DNAH11: variants seen among roughly 807,000 people sequenced by gnomAD.
DNAH11 encodes dynein axonemal heavy chain 11.
DNAH11 carries 442 observed loss-of-function variants against 526.0 expected under a neutral mutation model. That is an observed-to-expected ratio of 0.84 (90% CI 0.78 to 0.91). DNAH11 has a LOEUF of 0.91. Ranked by LOEUF, DNAH11 falls within the 40% of genes least tolerant of loss-of-function variation. The pLI, the probability that DNAH11 is intolerant of heterozygous loss-of-function variation, is 0.00. For missense variants in DNAH11, 6,989 were observed against 5,448.7 expected (o/e 1.28, Z -8.90); for synonymous variants, 2,461 against 1,935.9 (o/e 1.27, Z -7.12).
intron 68 of DNAH11, among the ~76,000 whole-genome samples, chr7:21,855,049 T>TTTG (rs776597716): frequency 2.2e-5 from 2 of 91,390 alleles, no homozygotes; most frequent in African/African-American, 6.9e-5. Context: ...TTTTTTTTTT[T>TTTG]GGGATGGAGT....
intron 18 of DNAH11, among the ~76,000 whole-genome samples, chr7:21,602,149 G>T (rs1180442861): frequency 6.6e-6 from 1 of 151,806 alleles, no homozygotes; most frequent in Non-Finnish European, 1.5e-5. Context: ...AGACCAGCCT[G>T]GCCAACATGC....
chr7:21,559,817 T>A, intron 4 of DNAH11, 25 bp downstream of exon 4: 1 of 1,548,490 alleles, frequency 6.5e-7, no homozygotes, highest in Admixed American at 1.9e-5. Flanking sequence ...CTAGAAATTA[T>A]AAATTAAATT....
chr7:21,800,712 C>T (rs7790142), intron 61 of DNAH11, among the ~76,000 whole-genome samples: 2,149 of 152,274 alleles, frequency 0.014, 41 homozygotes, highest in African/African-American at 0.049. Flanking sequence ...ACTGCCTGAA[C>T]TATGAACCCA....
chr7:21,771,931 TTAG>T (rs1787452870), intron 55 of DNAH11, among the ~76,000 whole-genome samples: 2 of 152,116 alleles, frequency 1.3e-5, no homozygotes, highest in African/African-American at 4.8e-5. Context: ...ATTACTGCAA[TTAG>T]TAGTTCTACA....
At chr7:21,878,767 G>C (rs1177404975) in intron 74 of DNAH11, among the ~76,000 whole-genome samples, 2 of 152,180 alleles carry the variant, frequency 1.3e-5, no homozygotes, top group African/African-American at 4.8e-5. Flanking sequence ...GACCCACAGA[G>C]AACAAATCTG....
At chr7:21,579,071 G>A (rs1025812826) in intron 8 of DNAH11, among the ~76,000 whole-genome samples, 1 of 152,128 alleles carries the variant, frequency 6.6e-6, no homozygotes, top group Non-Finnish European at 1.5e-5. Context: ...CCTCCAAACT[G>A]CTCCCTCTTC....
intron 20 of DNAH11, among the ~76,000 whole-genome samples, chr7:21,607,936 CAAAAAAAAAAAA>C (rs34293535): frequency 1.6e-4 from 11 of 68,650 alleles, no homozygotes; most frequent in African/African-American, 3.5e-4. Flanking sequence ...GACTTCATCT[CAAAAAAAAAAAA>C]AAAAAAAAAA....
chr7:21,637,097 G>A (rs895007645), intron 26 of DNAH11, among the ~76,000 whole-genome samples: 2 of 151,986 alleles, frequency 1.3e-5, no homozygotes, highest in Non-Finnish European at 2.9e-5. Context: ...AACTTTTGAG[G>A]AAGAAAAAAT....
At chr7:21,552,673 A>G (rs7782039) in intron 2 of DNAH11, among the ~76,000 whole-genome samples, 55,476 of 152,072 alleles carry the variant, frequency 0.36, 10,400 homozygotes, top group East Asian at 0.62. Context: ...GACGAAATAC[A>G]TTTGGGGCTT....
chr7:21,704,707 A>T, intron 38 of DNAH11, 79 bp downstream of exon 38: 1 of 1,478,318 alleles, frequency 6.8e-7, no homozygotes, highest in Non-Finnish European at 9.1e-7. Flanking sequence ...TACTAAAGCA[A>T]GATGTTAACT....
intron 61 of DNAH11, among the ~76,000 whole-genome samples, chr7:21,800,746 A>G: frequency 6.6e-6 from 1 of 152,230 alleles, no homozygotes; most frequent in East Asian, 1.9e-4. Context: ...CCGTGGGTGG[A>G]GAAACCAAAC....
intron 14 of DNAH11, among the ~76,000 whole-genome samples, chr7:21,597,013 G>A (rs1443882742): frequency 9.9e-5 from 15 of 152,212 alleles, no homozygotes; most frequent in Admixed American, 9.8e-4. Flanking sequence ...ATATGGCCAA[G>A]GGTGAGTCAG....
At chr7:21,613,389 A>G (rs185940204) in intron 20 of DNAH11, among the ~76,000 whole-genome samples, 19 of 152,352 alleles carry the variant, frequency 1.2e-4, no homozygotes, top group African/African-American at 4.6e-4. Flanking sequence ...ATTAAAAATT[A>G]TTAGTCATAT....
In DNAH11 at chr7:21,557,898, C is replaced by T. The variant is rs1423052792; in HGVS notation, c.496-904C>T. 4.6e-5 allele frequency among the ~76,000 whole-genome samples: 7 copies of T among 152,256 alleles called. No individual in the cohort carries two copies. In the South Asian group the frequency reaches 1.5e-3, roughly 32 times the overall value. ...AGGGCAGGGACTATCTTGTACTAAT[C>T]TCTGTATTACTAGCTTGACATGTAA... On this transcript the variant is annotated intron_variant, in intron 2 of 81. Transcript: ENST00000409508.
At chr7:21,795,367 G>T (rs545765296) in intron 61 of DNAH11, among the ~76,000 whole-genome samples, 14 of 152,204 alleles carry the variant, frequency 9.2e-5, no homozygotes, top group African/African-American at 3.1e-4. Context: ...TGTTCTCCTA[G>T]ATCAAGCTTG....
intron 35 of DNAH11, among the ~76,000 whole-genome samples, chr7:21,694,896 C>G (rs990508336): frequency 1.3e-5 from 2 of 152,194 alleles, no homozygotes; most frequent in Non-Finnish European, 2.9e-5. Context: ...GCCATTTTAA[C>G]TGGCATGAGA....
chr7:21,574,614 A>G (rs1303909624), intron 8 of DNAH11, among the ~76,000 whole-genome samples: 2 of 121,714 alleles, frequency 1.6e-5, no homozygotes, highest in African/African-American at 6.4e-5. Flanking sequence ...CCCAGGCTGG[A>G]GTGCAATGGT....
chr7:21,583,389 A>C (rs1243019773), intron 9 of DNAH11, among the ~76,000 whole-genome samples: 1 of 152,236 alleles, frequency 6.6e-6, no homozygotes, highest in Non-Finnish European at 1.5e-5. Flanking sequence ...TGCCATATGC[A>C]GAAAACGGAA....
chr7:21,808,950 C>A (rs371136042), intron 63 of DNAH11, among the ~76,000 whole-genome samples: 138 of 152,164 alleles, frequency 9.1e-4, no homozygotes, highest in African/African-American at 3.2e-3. Context: ...TTTTGAGGAA[C>A]CTCCATACTG....
Sources: allele counts gnomAD v4.1 joint callset (sites outside exome capture counted in the v4.1 genomes callset), GRCh38; gene constraint gnomAD v4.1.1; transcripts MANE v1.5; gene names NCBI Gene and HGNC (gene_info 2026-07-23, HGNC 2026-07-21).